RORA: variants seen among roughly 807,000 people sequenced by gnomAD.
RORA encodes RAR related orphan receptor A, also known as nuclear receptor ROR-alpha.
RORA carries 7 observed loss-of-function variants against 69.5 expected under a neutral mutation model. The ratio of observed to expected loss-of-function variants is 0.10; its 90% confidence interval spans 0.06 to 0.19. The LOEUF (loss-of-function observed/expected upper bound fraction) is 0.19, where lower values mean the gene tolerates loss of function less well. Ranked by LOEUF, RORA falls within the 10% of genes least tolerant of loss-of-function variation. The pLI is 1.00. For synonymous variants in RORA, 261 were observed against 240.8 expected (o/e 1.08, Z -0.78); for missense variants, 457 against 663.0 (o/e 0.69, Z 3.41).
At chr15:60,857,097 C>T (rs11638466) in intron 1 of RORA, among the ~76,000 whole-genome samples, 14 of 152,142 alleles carry the variant, frequency 9.2e-5, no homozygotes, top group African/African-American at 3.4e-4. Context: ...ATGAATGATA[C>T]TTAGTTGGCA....
At position 60,534,695 on chromosome 15, in the gene RORA, A is replaced by T. The variant is rs780223897; in HGVS notation, c.197-2844T>A. 2.0e-5 allele frequency among the ~76,000 whole-genome samples: 3 copies of T among 152,144 alleles called. No homozygotes were observed. The highest frequency in any genetic ancestry group is 4.8e-5 in the African/African-American group (2 of 41,434). On this transcript the variant is annotated intron_variant, in intron 2 of 10. Transcript: ENST00000335670. The surrounding 1 kb of genome is among the most constrained non-coding windows in gnomAD (Gnocchi z 5.0). ...CTGCTTGGTTCTCTTATCTCAGATG[A>T]CAATTTCAGTTGCAAATGCACTTTA...
At chr15:60,727,690 C>T (rs979824897) in intron 1 of RORA, among the ~76,000 whole-genome samples, 10 of 151,982 alleles carry the variant, frequency 6.6e-5, no homozygotes, top group Admixed American at 2.0e-4. Flanking sequence ...AAAAAAATGG[C>T]GTGAAAGTGA....
In RORA at chr15:61,184,505, A is replaced by C. The variant is rs568066995; in HGVS notation, c.166+44548T>G. On this transcript the variant is annotated intron_variant, in intron 1 of 10. Coordinates refer to ENST00000335670, the MANE Select transcript of RORA (RefSeq NM_134261.3). ...CTGTGGTACCTATGTACCTGGTATG[A>C]AATTCTGTTTCGGTAGTTGTAACAC... 3.3e-5 allele frequency among the ~76,000 whole-genome samples: 5 copies of C among 152,304 alleles called. No homozygotes were observed. In the South Asian group the frequency reaches 1.0e-3, roughly 32 times the overall value.
At chr15:60,848,325 T>G (rs1180976587) in intron 1 of RORA, 2 of 152,180 alleles carry the variant, frequency 1.3e-5, no homozygotes, top group African/African-American at 2.4e-5. Flanking sequence ...GATGGGGAGA[T>G]GATCCTGGGT....
chr15:60,730,971 G>A (rs2071422662), intron 1 of RORA, among the ~76,000 whole-genome samples: 1 of 151,902 alleles, frequency 6.6e-6, no homozygotes, highest in South Asian at 2.1e-4. Flanking sequence ...TGTGTCGGGG[G>A]GTTGTTGTAC....
intron 2 of RORA, chr15:60,557,984 A>G (rs2140412159): frequency 3.1e-6 from 1 of 327,728 alleles, no homozygotes; most frequent in East Asian, 4.8e-5. Context: ...GTCATCAGAA[A>G]TTTTATTTTA....
chr15:60,616,450 T>C (rs2069246839), intron 2 of RORA, among the ~76,000 whole-genome samples: 1 of 152,228 alleles, frequency 6.6e-6, no homozygotes, highest in Non-Finnish European at 1.5e-5. Context: ...TGAGAAATTT[T>C]GATTTGTTTG....
intron 1 of RORA, among the ~76,000 whole-genome samples, chr15:60,834,354 G>A (rs548334334): frequency 6.6e-6 from 1 of 152,230 alleles, no homozygotes; most frequent in African/African-American, 2.4e-5. Context: ...CAGATCCAAG[G>A]TTAGTTCCTG....
intron 1 of RORA, among the ~76,000 whole-genome samples, chr15:60,877,741 C>T (rs75270896): frequency 0.016 from 2,469 of 152,132 alleles, 59 homozygotes; most frequent in African/African-American, 0.056. Context: ...TTCAGAAACA[C>T]TAGTAAAATA....
chr15:60,857,160 T>C (rs2140420671), intron 1 of RORA, among the ~76,000 whole-genome samples: 1 of 152,100 alleles, frequency 6.6e-6, no homozygotes, highest in African/African-American at 2.4e-5. Flanking sequence ...ATGAGAGACA[T>C]TTTCATTATG....
At chr15:60,705,220 T>C (rs575217109) in intron 1 of RORA, among the ~76,000 whole-genome samples, 63 of 152,304 alleles carry the variant, frequency 4.1e-4, no homozygotes, top group African/African-American at 1.4e-3. Context: ...CAGGGCATGC[T>C]GAACTGGTTT....
chr15:60,888,557 G>A lies in RORA; in HGVS notation c.167-209871C>T, dbSNP rs377654043. Among the ~76,000 whole-genome samples the A allele has an allele frequency of 7.9e-5, 12 of 152,308 alleles. No homozygotes were observed. The East Asian group carries it at 2.3e-3, about 29-fold the overall frequency. On this transcript the variant is annotated intron_variant, in intron 1 of 10. Coordinates refer to ENST00000335670, the MANE Select transcript of RORA (RefSeq NM_134261.3). ...CTCAGGGAAAGCAGCTGATGATTAT[G>A]TTTCCGCAACTGAATAAAATCAAAC...
chr15:60,832,109 C>G (rs1192070379), intron 1 of RORA, among the ~76,000 whole-genome samples: 1 of 152,210 alleles, frequency 6.6e-6, no homozygotes, highest in African/African-American at 2.4e-5. Context: ...CTATTATCCC[C>G]TTCTTCCATA....
At chr15:60,506,848 G>A (rs956653873) in intron 5 of RORA, among the ~76,000 whole-genome samples, 37 of 152,054 alleles carry the variant, frequency 2.4e-4, no homozygotes, top group South Asian at 2.1e-4. Flanking sequence ...TTAGCTGGGC[G>A]TGGTGGCGGG....
intron 1 of RORA, among the ~76,000 whole-genome samples, chr15:61,023,562 G>A (rs1566947644): frequency 6.6e-6 from 1 of 152,196 alleles, no homozygotes; most frequent in Non-Finnish European, 1.5e-5. Context: ...TAGGGACACA[G>A]AGCCAAACTA....
At chr15:60,830,539 A>T (rs1277629235) in intron 1 of RORA, among the ~76,000 whole-genome samples, 1 of 152,218 alleles carries the variant, frequency 6.6e-6, no homozygotes, top group African/African-American at 2.4e-5. Flanking sequence ...GTCCTTAATA[A>T]ATCCCTAAAT....
chr15:60,551,523 C>T lies in RORA; in HGVS notation c.197-19672G>A, dbSNP rs1249288701. On this transcript the variant is annotated intron_variant, in intron 2 of 10. Coordinates refer to ENST00000335670, the MANE Select transcript of RORA (RefSeq NM_134261.3). ...CAACCTCATAAGAGTTCATTTCCCTCACTAACTGTCCTCAGGAATGAAAGT... is the reference window on the plus strand; with the variant it reads ...CAACCTCATAAGAGTTCATTTCCCTTACTAACTGTCCTCAGGAATGAAAGT... 2.0e-5 allele frequency among the ~76,000 whole-genome samples: 3 copies of T among 152,190 alleles called. No individual in the cohort carries two copies. In the East Asian group the frequency reaches 5.8e-4, roughly 29 times the overall value.
chr15:60,873,150 G>C (rs1003356169), intron 1 of RORA, among the ~76,000 whole-genome samples: 1 of 151,998 alleles, frequency 6.6e-6, no homozygotes, highest in Non-Finnish European at 1.5e-5. Flanking sequence ...CATGATTAAA[G>C]TGTTCATCTC....
Position 60,499,898 on chromosome 15 carries a change from T to C in RORA, c.1401A>G (p.Leu467=), listed in dbSNP as rs145212204. 1.9e-6 allele frequency: 3 copies of C among 1,589,146 alleles called. No homozygotes were observed. In the African/African-American group the frequency reaches 4.0e-5, roughly 21 times the overall value. The stretch of plus-strand genomic sequence containing the variant: ...AGAAGCCTTTGGCACTCACCTTTGT[T>C]AGTATTCCATCTTCTCGGTGATTCT... The part of the protein sequence containing the change: ...LQKNHREDGI[L]TKLICKVSTL... The change falls in exon 10 of 11, where the codon CTA becomes CTG. Residue 467 remains leucine (L), a synonymous_variant. Coordinates refer to ENST00000335670, the MANE Select transcript of RORA (RefSeq NM_134261.3).
Sources: allele counts gnomAD v4.1 joint callset (sites outside exome capture counted in the v4.1 genomes callset), GRCh38; gene constraint gnomAD v4.1.1; non-coding constraint Gnocchi (gnomAD v3.1); transcripts MANE v1.5; gene names NCBI Gene and HGNC (gene_info 2026-07-23, HGNC 2026-07-21).